The following MEIS1 variants were observed in gnomAD, a reference collection of about 807,000 sequenced individuals.
The protein encoded by MEIS1 is Meis homeobox 1, also known as homeobox protein Meis1.
A neutral mutation model predicts 50.8 loss-of-function variants in MEIS1; 5 were observed. That is an observed-to-expected ratio of 0.10 (90% CI 0.05 to 0.21). The LOEUF (loss-of-function observed/expected upper bound fraction) is 0.21, where lower values mean the gene tolerates loss of function less well. Ranked by LOEUF, MEIS1 falls within the 10% of genes least tolerant of loss-of-function variation. The pLI is 1.00. For synonymous variants in MEIS1, 176 were observed against 179.3 expected (o/e 0.98, Z 0.15); for missense variants, 318 against 517.3 (o/e 0.61, Z 3.74).
intron 8 of MEIS1, among the ~76,000 whole-genome samples, chr2:66,516,312 T>C (rs1210370456): frequency 6.6e-6 from 1 of 152,094 alleles, no homozygotes; most frequent in Non-Finnish European, 1.5e-5. Flanking sequence ...TACCTACAGA[T>C]TCAGGTGAAG....
At chr2:66,476,650 G>T (rs1230716741) in intron 7 of MEIS1, among the ~76,000 whole-genome samples, 1 of 152,154 alleles carries the variant, frequency 6.6e-6, no homozygotes, top group Non-Finnish European at 1.5e-5. Flanking sequence ...CACCTGCCTG[G>T]CATCGGATGG....
At chr2:66,568,817 C>T (rs1436469330) in intron 11 of MEIS1, 61 bp downstream of exon 11, 9 of 1,420,652 alleles carry the variant, frequency 6.3e-6, no homozygotes, top group East Asian at 2.3e-5. Flanking sequence ...ATCCCCTCAT[C>T]AACACAGGTA....
At chr2:66,486,515 T>C (rs890093317) in intron 7 of MEIS1, among the ~76,000 whole-genome samples, 1 of 152,240 alleles carries the variant, frequency 6.6e-6, no homozygotes, top group Admixed American at 6.5e-5. Context: ...GTAGCATAGT[T>C]TGAAGTCAGG....
intron 8 of MEIS1, among the ~76,000 whole-genome samples, chr2:66,523,609 A>G (rs998714159): frequency 6.6e-6 from 1 of 152,246 alleles, no homozygotes; most frequent in African/African-American, 2.4e-5. Context: ...TATGCTCAAC[A>G]GCACTCTATG....
chr2:66,454,650 G>A (rs1424346030), intron 6 of MEIS1: 1 of 151,970 alleles, frequency 6.6e-6, no homozygotes, highest in Non-Finnish European at 1.5e-5. Flanking sequence ...GAAAGTTTGT[G>A]GTTGAAGTTG....
chr2:66,472,480 A>C (rs1672785399), intron 7 of MEIS1, among the ~76,000 whole-genome samples: 1 of 152,218 alleles, frequency 6.6e-6, no homozygotes, highest in Non-Finnish European at 1.5e-5. Context: ...GTGAGCTATA[A>C]AAATGAGTAG....
chr2:66,502,258 G>A (rs1673576012), intron 7 of MEIS1, among the ~76,000 whole-genome samples: 1 of 152,088 alleles, frequency 6.6e-6, no homozygotes, highest in Admixed American at 6.5e-5. Flanking sequence ...AGGGGTAAAT[G>A]GCAGGGATTG....
chr2:66,571,311 C>T lies in MEIS1; in HGVS notation c.*103C>T. 6.3e-7 allele frequency: 1 copy of T among 1,598,228 alleles called. No individual in the cohort carries two copies. On this transcript the variant is annotated 3_prime_UTR_variant, in exon 13 of 13. Coordinates refer to ENST00000272369, the MANE Select transcript of MEIS1 (RefSeq NM_002398.3). The stretch of plus-strand genomic sequence containing the variant: ...TCCAATGGGTGTGAGTATGGGACAG[C>T]CAAGTTATACCCAACCCCAGATGCC...
chr2:66,541,582 C>T (rs1674653643), intron 8 of MEIS1, among the ~76,000 whole-genome samples: 1 of 152,166 alleles, frequency 6.6e-6, no homozygotes. Flanking sequence ...AGATTGTCTG[C>T]AGAATGACTC....
chr2:66,451,341 G>T (rs993265189), intron 6 of MEIS1, among the ~76,000 whole-genome samples: 1 of 151,992 alleles, frequency 6.6e-6, no homozygotes, highest in African/African-American at 2.4e-5. Flanking sequence ...ACATCCCATA[G>T]AAACTCTTTA....
At chr2:66,524,577 A>G (rs991005235) in intron 8 of MEIS1, among the ~76,000 whole-genome samples, 1 of 152,024 alleles carries the variant, frequency 6.6e-6, no homozygotes, top group Non-Finnish European at 1.5e-5. Context: ...TAAATAAATA[A>G]AATTTAAAAA....
At chr2:66,474,168 C>G (rs1309391761) in intron 7 of MEIS1, among the ~76,000 whole-genome samples, 1 of 151,988 alleles carries the variant, frequency 6.6e-6, no homozygotes, top group Non-Finnish European at 1.5e-5. Context: ...GAGGTCTTGA[C>G]CTTAAATCAT....
intron 9 of MEIS1, among the ~76,000 whole-genome samples, chr2:66,551,279 C>A (rs1299642634): frequency 6.6e-6 from 1 of 152,010 alleles, no homozygotes; most frequent in African/African-American, 2.4e-5. Context: ...CTCGAATTGA[C>A]AGTGATATAT....
intron 8 of MEIS1, among the ~76,000 whole-genome samples, chr2:66,540,881 A>T (rs902017173): frequency 1.3e-5 from 2 of 152,172 alleles, no homozygotes; most frequent in African/African-American, 4.8e-5. Flanking sequence ...ACTTTAAAAA[A>T]AATTCCAAAT....
intron 6 of MEIS1, chr2:66,454,870 GA>G (rs1354284599): frequency 6.6e-6 from 1 of 152,036 alleles, no homozygotes. Context: ...GAGTTCAGCA[GA>G]AAACTCTCAA....
rs564227124 is a variant in MEIS1, at chr2:66,542,625, G to A, written c.889-5318G>A. Among the ~76,000 whole-genome samples the A allele has an allele frequency of 2.0e-5, 3 of 152,268 alleles. No individual in the cohort carries two copies. In the South Asian group the frequency reaches 6.2e-4, roughly 32 times the overall value. On this transcript the variant is annotated intron_variant, in intron 8 of 12. Coordinates refer to ENST00000272369, the MANE Select transcript of MEIS1 (RefSeq NM_002398.3). ...GCCGTTTTGCAGTTTCGGTATAGAGGCAGTTCTGTGTCACAAGAAATTACT... is the reference window on the plus strand; with the variant it reads ...GCCGTTTTGCAGTTTCGGTATAGAGACAGTTCTGTGTCACAAGAAATTACT...
chr2:66,474,937 A>G (rs780447431), intron 7 of MEIS1, among the ~76,000 whole-genome samples: 11 of 152,032 alleles, frequency 7.2e-5, no homozygotes, highest in Non-Finnish European at 7.4e-5. Flanking sequence ...AAAGAGAACT[A>G]CAGAGTGAAT....
At chr2:66,531,158 T>G (rs544111206) in intron 8 of MEIS1, among the ~76,000 whole-genome samples, 83 of 152,360 alleles carry the variant, frequency 5.4e-4, no homozygotes, top group African/African-American at 1.7e-3. Flanking sequence ...GAGAGATGAC[T>G]GGCTTGAACA....
rs137999657 is a variant in MEIS1, at chr2:66,456,882, C to T, written c.631-7227C>T. On this transcript the variant is annotated intron_variant, in intron 6 of 12. Coordinates refer to ENST00000272369, the MANE Select transcript of MEIS1 (RefSeq NM_002398.3). ...AGCAATTGCCTCTCTGCATTTTATC[C>T]ACTTTTCAGCAGTGCACAGTGTGGA... Among the ~76,000 whole-genome samples, 966 of 152,306 alleles carry T rather than the reference C, an allele frequency of 6.3e-3. 9 individuals are homozygous for T. The highest frequency in any genetic ancestry group is 0.022 in the African/African-American group (906 of 41,570).
Sources: allele counts gnomAD v4.1 joint callset (sites outside exome capture counted in the v4.1 genomes callset), GRCh38; gene constraint gnomAD v4.1.1; transcripts MANE v1.5; gene names NCBI Gene and HGNC (gene_info 2026-07-23, HGNC 2026-07-21).